NUBPL: variants seen among roughly 807,000 people sequenced by gnomAD.
The protein encoded by NUBPL is NUBP iron-sulfur cluster assembly factor, mitochondrial.
Under a neutral mutation model 45.7 loss-of-function variants are expected in NUBPL, and 31 were observed. The observed-to-expected ratio is 0.68, with a 90% confidence interval of 0.51 to 0.92. The LOEUF (loss-of-function observed/expected upper bound fraction) is 0.92, where lower values mean the gene tolerates loss of function less well. Ranked by LOEUF, NUBPL falls within the 40% of genes least tolerant of loss-of-function variation. NUBPL has a pLI of 0.00. For synonymous variants in NUBPL, 144 were observed against 140.9 expected, an observed-to-expected ratio of 1.02 and a Z score of -0.15; for missense variants, 401 against 398.7, an observed-to-expected ratio of 1.01 and a Z score of -0.05.
chr14:31,660,360 A>G (rs920357051), intron 4 of NUBPL, among the ~76,000 whole-genome samples: 17 of 152,132 alleles, frequency 1.1e-4, no homozygotes, highest in African/African-American at 4.1e-4. Context: ...CTGAGAGAAC[A>G]ATTATGCATG....
chr14:31,857,112 T>A (rs1191342971), intron 10 of NUBPL, among the ~76,000 whole-genome samples: 1 of 152,186 alleles, frequency 6.6e-6, no homozygotes, highest in African/African-American at 2.4e-5. Context: ...ATCTGAAATC[T>A]AGGTGGAGGT....
rs529445851 is a variant in NUBPL, at chr14:31,696,746, C to A, written c.513+23172C>A. Among the ~76,000 whole-genome samples, 4 of 152,284 alleles carry A rather than the reference C, an allele frequency of 2.6e-5. No homozygotes were observed. In the South Asian group the frequency reaches 6.2e-4, roughly 24 times the overall value. On this transcript the variant is annotated intron_variant, in intron 6 of 10. Transcript: ENST00000281081. ...TGATTCTGTCCATTCATATTAATTT[C>A]TCATTCTCACTAAGTGAACATTAGA...
At chr14:31,639,300 A>G (rs977522218) in intron 4 of NUBPL, among the ~76,000 whole-genome samples, 2 of 152,194 alleles carry the variant, frequency 1.3e-5, no homozygotes, top group African/African-American at 4.8e-5. Flanking sequence ...TCCTTCTAAC[A>G]GACAGGACCC....
rs35803247 is a variant in NUBPL at position 31,645,774 on chromosome 14, AC to A, written c.383-27570del. ...ATTTTTTAAAACTTCTATACTTTAC[AC>A]CCCCCCCCCCACATTTTGACTTTTG... On this transcript the variant is annotated intron_variant, in intron 4 of 10. Coordinates refer to ENST00000281081, the MANE Select transcript of NUBPL (RefSeq NM_025152.3). Among the ~76,000 whole-genome samples the A allele has an allele frequency of 5.5e-3, 454 of 82,658 alleles. 5 individuals are homozygous for A. The highest frequency in any genetic ancestry group is 6.7e-3 in the Middle Eastern group (1 of 150). 54.2% of individuals were successfully genotyped at this position (82,658 alleles called of 152,430 possible). A position where few individuals can be genotyped will look rare whatever the true frequency, so the allele number is the denominator to read the frequency against.
intron 6 of NUBPL, among the ~76,000 whole-genome samples, chr14:31,707,649 A>G (rs2037484858): frequency 6.6e-6 from 1 of 152,042 alleles, no homozygotes. Context: ...TATAGGCTGT[A>G]TATGTTCCTT....
At chr14:31,771,100 G>A (rs547259145) in intron 6 of NUBPL, among the ~76,000 whole-genome samples, 116 of 151,982 alleles carry the variant, frequency 7.6e-4, no homozygotes, top group Non-Finnish European at 1.4e-3. Context: ...TGTATAGATG[G>A]TTGGTAGAAT....
At chr14:31,615,112 C>T (rs2034863111) in intron 4 of NUBPL, among the ~76,000 whole-genome samples, 1 of 151,894 alleles carries the variant, frequency 6.6e-6, no homozygotes, top group African/African-American at 2.4e-5. Context: ...GTGGTTTCTC[C>T]CATGCTGTTC....
chr14:31,846,249 A>T (rs12880879), intron 8 of NUBPL: 1 of 494,158 alleles, frequency 2.0e-6, no homozygotes, highest in South Asian at 2.1e-5. Context: ...CTGTTCATTC[A>T]TCTCTTTTTA....
At chr14:31,699,488 A>G (rs1017228110) in intron 6 of NUBPL, among the ~76,000 whole-genome samples, 1 of 152,196 alleles carries the variant, frequency 6.6e-6, no homozygotes, top group African/African-American at 2.4e-5. Context: ...CTGAGGCACA[A>G]TGAGGTTAAA....
At chr14:31,729,810 G>A (rs2038011042) in intron 6 of NUBPL, among the ~76,000 whole-genome samples, 1 of 152,106 alleles carries the variant, frequency 6.6e-6, no homozygotes, top group Non-Finnish European at 1.5e-5. Flanking sequence ...AGTAGGTGAT[G>A]TTCTCTTTGA....
intron 7 of NUBPL, among the ~76,000 whole-genome samples, chr14:31,798,670 T>G (rs1468275338): frequency 6.7e-6 from 1 of 150,366 alleles, no homozygotes; most frequent in African/African-American, 2.4e-5. Flanking sequence ...CGGGCGCCTG[T>G]AGTCCTGGCT....
chr14:31,613,193 A>G (rs761330256), intron 4 of NUBPL, among the ~76,000 whole-genome samples: 38 of 152,242 alleles, frequency 2.5e-4, no homozygotes, highest in Non-Finnish European at 5.0e-4. Context: ...AGCCAGGCAC[A>G]GAAGGATAAA....
Position 31,695,094 on chromosome 14 carries a change from T to C in NUBPL, c.513+21520T>C, listed in dbSNP as rs565808876. Among the ~76,000 whole-genome samples, 18 of 152,312 alleles carry C rather than the reference T, an allele frequency of 1.2e-4. No homozygotes were observed. In the East Asian group the frequency reaches 2.1e-3, roughly 18 times the overall value. On this transcript the variant is annotated intron_variant, in intron 6 of 10. Transcript: ENST00000281081. ...ATAGTGTTGACCATCAGGTTGGTAA[T>C]AGTGTTACACAGTATAAAAGTTTGC... is the stretch of plus-strand genomic sequence containing the variant.
chr14:31,709,554 C>A (rs1595527244), intron 6 of NUBPL, among the ~76,000 whole-genome samples: 1 of 116,736 alleles, frequency 8.6e-6, no homozygotes, highest in Non-Finnish European at 2.2e-5. Context: ...GCAGCTAAAG[C>A]TGCATTCTTT....
intron 6 of NUBPL, among the ~76,000 whole-genome samples, chr14:31,745,763 G>T (rs1203595407): frequency 6.6e-6 from 1 of 151,942 alleles, no homozygotes; most frequent in Non-Finnish European, 1.5e-5. Flanking sequence ...AAATACTGAG[G>T]CACTGTGTGT....
chr14:31,754,234 C>T (rs1195496832), intron 6 of NUBPL, among the ~76,000 whole-genome samples: 1 of 152,092 alleles, frequency 6.6e-6, no homozygotes, highest in Admixed American at 6.6e-5. Flanking sequence ...CATTTTTTAA[C>T]CCTTAATGAA....
At chr14:31,842,077 C>T (rs1439511686) in intron 8 of NUBPL, among the ~76,000 whole-genome samples, 1 of 150,876 alleles carries the variant, frequency 6.6e-6, no homozygotes, top group Non-Finnish European at 1.5e-5. Flanking sequence ...ACTACAGGCA[C>T]CCGCCACCAC....
At chr14:31,608,220 T>A (rs930818265) in intron 4 of NUBPL, among the ~76,000 whole-genome samples, 3 of 152,166 alleles carry the variant, frequency 2.0e-5, no homozygotes, top group Non-Finnish European at 4.4e-5. Context: ...ACACCAGACT[T>A]GAGCTACAGG....
At chr14:31,686,540 A>C (rs2036956331) in intron 6 of NUBPL, among the ~76,000 whole-genome samples, 1 of 152,218 alleles carries the variant, frequency 6.6e-6, no homozygotes, top group African/African-American at 2.4e-5. Context: ...AAAGCAATAA[A>C]AATGTCAAGG....
Sources: allele counts gnomAD v4.1 joint callset (sites outside exome capture counted in the v4.1 genomes callset), GRCh38; gene constraint gnomAD v4.1.1; transcripts MANE v1.5; gene names NCBI Gene and HGNC (gene_info 2026-07-23, HGNC 2026-07-21).